The following AK5 variants were observed in gnomAD, a reference collection of about 807,000 sequenced individuals.
AK5 encodes the protein adenylate kinase isoenzyme 5.
In AK5, 27 loss-of-function variants were observed where a neutral mutation model predicts 69.5. The ratio of observed to expected loss-of-function variants is 0.39; its 90% CI spans 0.29 to 0.54. The LOEUF (loss-of-function observed/expected upper bound fraction) is 0.54. Ranked by LOEUF, AK5 falls within the 20% of genes least tolerant of loss-of-function variation. The probability of loss-of-function intolerance (pLI) is 0.71; values close to 1 mark genes in which losing one functional copy is unlikely to be tolerated. For missense variants in AK5, 531 were observed against 700.4 expected (o/e 0.76, Z 2.73); for synonymous variants, 260 against 244.4 (o/e 1.06, Z -0.60).
At chr1:77,376,717 G>C (rs1647277862) in intron 6 of AK5, among the ~76,000 whole-genome samples, 1 of 152,134 alleles carries the variant, frequency 6.6e-6, no homozygotes, top group African/African-American at 2.4e-5. Context: ...GAGGTGAGAG[G>C]ATCACTTGAG....
Position 77,317,719 on chromosome 1 carries a change from C to T in AK5, c.699+19772C>T, listed in dbSNP as rs148945517. 2.2e-3 allele frequency among the ~76,000 whole-genome samples: 335 copies of T among 152,232 alleles called. 3 individuals are homozygous for T. Among genetic ancestry groups the T allele is most frequent in the African/African-American group, 7.5e-3 (312 of 41,538 alleles). The stretch of plus-strand genomic sequence containing the variant: ...TGAAAGACCACTGCCATTAGTTCAC[C>T]CCTTTGATTGAAAACCTTTCATGAC... On this transcript the variant is annotated intron_variant, in intron 5 of 13. Coordinates refer to ENST00000354567, the MANE Select transcript of AK5 (RefSeq NM_174858.3).
intron 13 of AK5, among the ~76,000 whole-genome samples, chr1:77,556,749 C>A (rs1295665193): frequency 6.6e-6 from 1 of 152,170 alleles, no homozygotes. Context: ...AGACAAGAGT[C>A]TCAAAGTGTG....
At chr1:77,363,880 A>G (rs918389354) in intron 6 of AK5, among the ~76,000 whole-genome samples, 1 of 152,142 alleles carries the variant, frequency 6.6e-6, no homozygotes, top group African/African-American at 2.4e-5. Context: ...TCTCCAGGAC[A>G]TTTATTACTT....
intron 6 of AK5, among the ~76,000 whole-genome samples, chr1:77,371,634 C>T (rs913136407): frequency 6.6e-6 from 1 of 152,106 alleles, no homozygotes; most frequent in Non-Finnish European, 1.5e-5. Flanking sequence ...GACACTGGAG[C>T]AATTTACTGT....
chr1:77,376,463 A>AC (rs1491122572), intron 6 of AK5, among the ~76,000 whole-genome samples: 4 of 133,276 alleles, frequency 3.0e-5, no homozygotes, highest in Admixed American at 7.8e-5. Flanking sequence ...AAAAAAAAAA[A>AC]CATGTCTTAC....
At chr1:77,307,123 T>C (rs1048807716) in intron 5 of AK5, among the ~76,000 whole-genome samples, 1 of 151,962 alleles carries the variant, frequency 6.6e-6, no homozygotes, top group African/African-American at 2.4e-5. Context: ...CTTTATTTCT[T>C]TTCTTCTACT....
At chr1:77,388,019 T>C (rs1452265527) in intron 6 of AK5, among the ~76,000 whole-genome samples, 1 of 152,228 alleles carries the variant, frequency 6.6e-6, no homozygotes, top group Non-Finnish European at 1.5e-5. Flanking sequence ...CTGCTTATTT[T>C]CTTATTATCC....
chr1:77,444,791 G>A (rs1652645081), intron 8 of AK5, among the ~76,000 whole-genome samples: 1 of 149,200 alleles, frequency 6.7e-6, no homozygotes, highest in Non-Finnish European at 1.5e-5. Context: ...TGACCCCAGG[G>A]GTCTTGAACT....
At chr1:77,311,268 C>G (rs1659935185) in intron 5 of AK5, among the ~76,000 whole-genome samples, 1 of 152,020 alleles carries the variant, frequency 6.6e-6, no homozygotes, top group African/African-American at 2.4e-5. Context: ...ATATTTGTGT[C>G]ATGGATATTC....
chr1:77,383,701 T>A (rs2100508604), intron 6 of AK5, among the ~76,000 whole-genome samples: 1 of 152,238 alleles, frequency 6.6e-6, no homozygotes, highest in South Asian at 2.1e-4. Context: ...AATTAAAATA[T>A]CAAAATGTAA....
intron 8 of AK5, among the ~76,000 whole-genome samples, chr1:77,425,748 A>G (rs1405269451): frequency 1.3e-5 from 2 of 152,222 alleles, no homozygotes; most frequent in East Asian, 1.9e-4. Flanking sequence ...TAGCAACAAT[A>G]TATTTAATTA....
At chr1:77,546,585 C>G (rs1044873373) in intron 13 of AK5, among the ~76,000 whole-genome samples, 5 of 152,256 alleles carry the variant, frequency 3.3e-5, no homozygotes, top group Admixed American at 1.3e-4. Flanking sequence ...TGGTGTGCGT[C>G]TGTAATCCCA....
At chr1:77,381,481 T>G (rs983790775) in intron 6 of AK5, among the ~76,000 whole-genome samples, 1 of 123,458 alleles carries the variant, frequency 8.1e-6, no homozygotes, top group Admixed American at 8.2e-5. Context: ...ACAAGACACA[T>G]GTACAAGACA....
intron 6 of AK5, among the ~76,000 whole-genome samples, chr1:77,365,786 C>G (rs563727270): frequency 6.6e-6 from 1 of 152,340 alleles, no homozygotes; most frequent in Admixed American, 6.5e-5. Flanking sequence ...CAGGACCAGT[C>G]TGTGGCCTGG....
intron 12 of AK5, among the ~76,000 whole-genome samples, chr1:77,526,990 C>T (rs945268628): frequency 2.6e-5 from 4 of 152,216 alleles, no homozygotes; most frequent in African/African-American, 9.6e-5. Flanking sequence ...TGGGGTTCCA[C>T]ATCATTTTGA....
At chr1:77,477,307 C>T (rs1181862826) in intron 8 of AK5, among the ~76,000 whole-genome samples, 1 of 152,214 alleles carries the variant, frequency 6.6e-6, no homozygotes, top group African/African-American at 2.4e-5. Context: ...GGATTATAGA[C>T]ATGAGCCACC....
At chr1:77,332,817 G>A (rs1007393077) in intron 5 of AK5, among the ~76,000 whole-genome samples, 15 of 151,682 alleles carry the variant, frequency 9.9e-5, no homozygotes, top group African/African-American at 3.6e-4. Flanking sequence ...AATAAATGTT[G>A]GTTTGTTAAT....
intron 8 of AK5, among the ~76,000 whole-genome samples, chr1:77,476,006 T>C (rs535747924): frequency 2.0e-5 from 3 of 152,310 alleles, no homozygotes; most frequent in Admixed American, 6.5e-5. Flanking sequence ...GAGACACTAA[T>C]ATTGCAATTT....
At chr1:77,287,464 A>G (rs1356911627) in intron 2 of AK5, among the ~76,000 whole-genome samples, 1 of 152,268 alleles carries the variant, frequency 6.6e-6, no homozygotes, top group African/African-American at 2.4e-5. Context: ...GAATACGGGT[A>G]TAATTGATAG....
Sources: allele counts gnomAD v4.1 joint callset (sites outside exome capture counted in the v4.1 genomes callset), GRCh38; gene constraint gnomAD v4.1.1; transcripts MANE v1.5; gene names NCBI Gene and HGNC (gene_info 2026-07-23, HGNC 2026-07-21).